The following ADGRB3 variants were observed in gnomAD, a reference collection of about 807,000 sequenced individuals.
ADGRB3 encodes the protein adhesion G protein-coupled receptor B3, also known as brain-specific angiogenesis inhibitor 3.
ADGRB3 carries 37 observed loss-of-function variants against 193.4 expected under a neutral mutation model. The ratio of observed to expected loss-of-function variants is 0.19; its 90% CI spans 0.15 to 0.25. The LOEUF (loss-of-function observed/expected upper bound fraction) is 0.25. Ranked by LOEUF, ADGRB3 falls within the 10% of genes least tolerant of loss-of-function variation. The probability of loss-of-function intolerance (pLI) is 1.00; values close to 1 mark genes in which losing one functional copy is unlikely to be tolerated. For missense variants in ADGRB3, 1,637 were observed against 1,852.9 expected, an observed-to-expected ratio of 0.88 and a Z score of 2.14; for synonymous variants, 690 against 644.2, an observed-to-expected ratio of 1.07 and a Z score of -1.08.
chr6:69,267,886 G>A (rs1001584426), intron 20 of ADGRB3, among the ~76,000 whole-genome samples: 11 of 152,018 alleles, frequency 7.2e-5, no homozygotes, highest in African/African-American at 2.4e-4. Context: ...TTTCCCTCCC[G>A]GTTTCCAGTT....
rs182763290 is a variant in ADGRB3, at chr6:69,260,709, T to C, written c.2814+21483T>C. Among the ~76,000 whole-genome samples the C allele has an allele frequency of 1.1e-4, 17 of 152,308 alleles. No individual in the cohort carries two copies. In the East Asian group the frequency reaches 2.5e-3, roughly 22 times the overall value. On this transcript the variant is annotated intron_variant, in intron 20 of 31. Coordinates refer to ENST00000370598, the MANE Select transcript of ADGRB3 (RefSeq NM_001704.3). ...CTTTAGTTCCCATATAGCTCTACGA[T>C]TCCAGGATTCTTACTTAGGGAGAAT...
intron 20 of ADGRB3, among the ~76,000 whole-genome samples, chr6:69,252,946 C>T (rs62406858): frequency 0.15 from 22,027 of 151,814 alleles, 1,651 homozygotes; most frequent in Middle Eastern, 0.16. Context: ...AGATCTATGT[C>T]TCGAACAAAA....
At chr6:68,827,589 T>C (rs1276582937) in intron 3 of ADGRB3, among the ~76,000 whole-genome samples, 1 of 151,906 alleles carries the variant, frequency 6.6e-6, no homozygotes, top group African/African-American at 2.4e-5. Context: ...TAATGTGTTA[T>C]AAGTGGAGGA....
chr6:69,301,475 T>C (rs2127296721), intron 20 of ADGRB3, among the ~76,000 whole-genome samples: 1 of 152,018 alleles, frequency 6.6e-6, no homozygotes. Context: ...TAGTTTTATC[T>C]CTCAAGTAAA....
chr6:68,807,235 C>CTTTTTTTTTTTTTTTTTTTTTTTTTTT, intron 3 of ADGRB3, among the ~76,000 whole-genome samples: 1 of 100,200 alleles, frequency 1.0e-5, no homozygotes, highest in Non-Finnish European at 1.9e-5. Context: ...TTTCTTTTTT[C>CTTTTTTTTTTTTTTTTTTTTTTTTTTT]TTTTTTTTTT....
At chr6:69,088,404 GCT>G in intron 17 of ADGRB3, among the ~76,000 whole-genome samples, 1 of 152,008 alleles carries the variant, frequency 6.6e-6, no homozygotes, top group African/African-American at 2.4e-5. Context: ...ATGGAGTCTC[GCT>G]CTGTCACCCA....
At chr6:69,037,468 TCAACTCATGCTATAG>T (rs1770906602) in intron 13 of ADGRB3, among the ~76,000 whole-genome samples, 1 of 150,862 alleles carries the variant, frequency 6.6e-6, no homozygotes. Flanking sequence ...AAGGAGTTTG[TCAACTCATGCTATAG>T]AGCATGATTT....
chr6:69,012,731 T>G (rs1033697796), intron 11 of ADGRB3, among the ~76,000 whole-genome samples: 2 of 152,038 alleles, frequency 1.3e-5, no homozygotes, highest in African/African-American at 4.8e-5. Context: ...AATAGGGCAA[T>G]TAAATATAGA....
At chr6:69,305,147 T>C (rs1356782600) in intron 20 of ADGRB3, among the ~76,000 whole-genome samples, 1 of 151,590 alleles carries the variant, frequency 6.6e-6, no homozygotes, top group Non-Finnish European at 1.5e-5. Context: ...GTAACACTGT[T>C]AGCACAGTGC....
At chr6:69,100,415 G>T (rs1207577302) in intron 17 of ADGRB3, among the ~76,000 whole-genome samples, 2 of 152,106 alleles carry the variant, frequency 1.3e-5, no homozygotes, top group East Asian at 3.9e-4. Context: ...ATATTGTCAT[G>T]AAAATGAATT....
intron 3 of ADGRB3, among the ~76,000 whole-genome samples, chr6:68,903,492 A>G (rs1441843858): frequency 6.6e-6 from 1 of 152,190 alleles, no homozygotes; most frequent in Non-Finnish European, 1.5e-5. Context: ...ACATAAATGA[A>G]CTAATAACAC....
chr6:69,355,834 A>C lies in ADGRB3; in HGVS notation c.3569A>C (p.Lys1190Thr). 1 of 1,607,962 alleles carries C rather than the reference A, an allele frequency of 6.2e-7. No individual in the cohort carries two copies. The highest frequency in any genetic ancestry group is 8.5e-7 in the Non-Finnish European group (1 of 1,175,148). ...GHAQIMTDFEKDVDIACRSVL... is the reference protein window; with the variant it reads ...GHAQIMTDFETDVDIACRSVL... ...TTATTGTTACAGACAGACTTTGAAA[A>C]GGATGTAGACATTGCCTGTCGATCA... Residue 1190 changes from lysine (K) to threonine (T), a missense_variant, in exon 28 of 32, where the codon AAG becomes ACG. Physicochemically the swap from Lys to Thr is moderately conservative, Grantham distance 78. Around this residue, in one of 7 missense-constraint regions of ADGRB3, gnomAD observed 116 missense variants for 168.1 expected, o/e 0.69. Transcript: ENST00000370598.
intron 17 of ADGRB3, among the ~76,000 whole-genome samples, chr6:69,206,045 G>GTTTATATATATATA (rs1327162820): frequency 1.0e-5 from 1 of 99,952 alleles, no homozygotes; most frequent in East Asian, 3.4e-4. Context: ...TATAATAATG[G>GTTTATATATATATA]TATATATATA....
intron 18 of ADGRB3, 81 bp downstream of exon 18, chr6:69,233,497 A>G: frequency 6.5e-7 from 1 of 1,538,184 alleles, no homozygotes; most frequent in Non-Finnish European, 8.7e-7. Flanking sequence ...ACTGCATTTT[A>G]AATGGGGAAA....
chr6:69,364,679 T>C (rs1157410465), intron 29 of ADGRB3, among the ~76,000 whole-genome samples: 1 of 152,074 alleles, frequency 6.6e-6, no homozygotes, highest in African/African-American at 2.4e-5. Context: ...ATTGCAATAC[T>C]AATATACTAA....
At chr6:69,078,143 A>T (rs577279266) in intron 17 of ADGRB3, among the ~76,000 whole-genome samples, 43 of 152,142 alleles carry the variant, frequency 2.8e-4, no homozygotes, top group African/African-American at 9.9e-4. Flanking sequence ...GGCTGTCTTA[A>T]ATATTTTCAA....
chr6:69,354,746 T>C (rs1442364754), intron 27 of ADGRB3, among the ~76,000 whole-genome samples: 1 of 152,142 alleles, frequency 6.6e-6, no homozygotes, highest in South Asian at 2.1e-4. Context: ...AATCAAAATA[T>C]TGGGAGTAGG....
At chr6:69,040,307 C>CTCTTCCTTTCTTTCTTTCTTTCTT (rs1554251204) in intron 13 of ADGRB3, among the ~76,000 whole-genome samples, 2 of 94,806 alleles carry the variant, frequency 2.1e-5, no homozygotes, top group South Asian at 3.9e-4. Flanking sequence ...CTTTCTCTGT[C>CTCTTCCTTTCTTTCTTTCTTTCTT]TCTTTCTTTC....
At chr6:69,175,768 G>A (rs1427139396) in intron 17 of ADGRB3, among the ~76,000 whole-genome samples, 2 of 152,192 alleles carry the variant, frequency 1.3e-5, no homozygotes, top group South Asian at 2.1e-4. Flanking sequence ...CAATTCATGA[G>A]CAAGGAATGT....
Sources: allele counts gnomAD v4.1 joint callset (sites outside exome capture counted in the v4.1 genomes callset), GRCh38; gene constraint gnomAD v4.1.1; regional missense constraint gnomAD v4.1.1; transcripts MANE v1.5; gene names NCBI Gene and HGNC (gene_info 2026-07-23, HGNC 2026-07-21).